Variants in TACC1 observed in about 807,000 individuals in gnomAD.
The protein encoded by TACC1 is transforming acidic coiled-coil-containing protein 1.
In TACC1, 48 loss-of-function variants were observed where a neutral mutation model predicts 84.4. The ratio of observed to expected loss-of-function variants is 0.57; its 90% confidence interval spans 0.45 to 0.72. The LOEUF (loss-of-function observed/expected upper bound fraction) is 0.72, where lower values mean the gene tolerates loss of function less well. Ranked by LOEUF, TACC1 falls within the 30% of genes least tolerant of loss-of-function variation. The probability of loss-of-function intolerance (pLI) is 0.00; values close to 1 mark genes in which losing one functional copy is unlikely to be tolerated. For missense variants in TACC1, 920 were observed against 973.0 expected (o/e 0.95, Z 0.72); for synonymous variants, 372 against 376.3 (o/e 0.99, Z 0.13).
intron 3 of TACC1, among the ~76,000 whole-genome samples, chr8:38,778,501 C>G (rs1454629000): frequency 1.3e-5 from 2 of 152,184 alleles, no homozygotes; most frequent in African/African-American, 4.8e-5. Flanking sequence ...TGAACCACTC[C>G]TGAGCCACAG....
intron 2 of TACC1, among the ~76,000 whole-genome samples, chr8:38,790,125 C>G (rs1353533982): frequency 6.6e-6 from 1 of 152,242 alleles, no homozygotes; most frequent in African/African-American, 2.4e-5. Flanking sequence ...CTTGCCTCTT[C>G]TAGCCTCTGC....
At chr8:38,740,787 G>A (rs1806905964) in intron 1 of TACC1, among the ~76,000 whole-genome samples, 1 of 152,212 alleles carries the variant, frequency 6.6e-6, no homozygotes, top group Admixed American at 6.5e-5. Flanking sequence ...CAGGCACAGA[G>A]TCATTTTAGT....
intron 2 of TACC1, among the ~76,000 whole-genome samples, chr8:38,802,786 A>T (rs1821705693): frequency 6.6e-6 from 1 of 152,090 alleles, no homozygotes; most frequent in South Asian, 2.1e-4. Flanking sequence ...AGAAAGAGAA[A>T]AGGAGGCGCT....
chr8:38,787,114 C>A, upstream of TACC1: 1 of 983,750 alleles, frequency 1.0e-6, no homozygotes, highest in Non-Finnish European at 1.2e-6. Flanking sequence ...GCGCGGCCGT[C>A]TTCAAAGCCC....
chr8:38,755,875 C>G (rs1277635822), intron 3 of TACC1, among the ~76,000 whole-genome samples: 1 of 151,656 alleles, frequency 6.6e-6, no homozygotes, highest in Non-Finnish European at 1.5e-5. Flanking sequence ...AGTGCAGTGG[C>G]GCGATCTCGG....
At chr8:38,754,930 A>C (rs1006543670) in intron 3 of TACC1, among the ~76,000 whole-genome samples, 2 of 152,250 alleles carry the variant, frequency 1.3e-5, no homozygotes, top group Non-Finnish European at 1.5e-5. Flanking sequence ...CGGGAGGCCG[A>C]GGCAGGCGGA....
intron 1 of TACC1, among the ~76,000 whole-genome samples, chr8:38,740,844 C>T (rs967350372): frequency 9.9e-5 from 15 of 152,152 alleles, no homozygotes; most frequent in Non-Finnish European, 7.3e-5. Context: ...TTTCAGACCT[C>T]TTGGAGAAAG....
chr8:38,757,110 G>C (rs1810202769), intron 3 of TACC1: 7 of 424,380 alleles, frequency 1.6e-5, no homozygotes, highest in African/African-American at 2.2e-5. Context: ...ATCTCCAGGC[G>C]GCAGCACCCG....
At chr8:38,753,579 T>C (rs2151755936) in intron 3 of TACC1, among the ~76,000 whole-genome samples, 1 of 152,326 alleles carries the variant, frequency 6.6e-6, no homozygotes, top group South Asian at 2.1e-4. Context: ...CATTATATGT[T>C]GTGGGGTAAG....
intron 3 of TACC1, among the ~76,000 whole-genome samples, chr8:38,781,997 AT>A (rs201828946): frequency 0.039 from 5,556 of 142,798 alleles, 235 homozygotes; most frequent in African/African-American, 0.11. Context: ...ATTTTTTATT[AT>A]TTTTTTTTGC....
chr8:38,769,979 G>A (rs1391515448), intron 3 of TACC1, among the ~76,000 whole-genome samples: 1 of 151,260 alleles, frequency 6.6e-6, no homozygotes, highest in Non-Finnish European at 1.5e-5. Flanking sequence ...GGGTATGGGT[G>A]GGGGTGTATG....
At chr8:38,789,623 G>T (rs1352075047) in intron 2 of TACC1, among the ~76,000 whole-genome samples, 2 of 152,192 alleles carry the variant, frequency 1.3e-5, no homozygotes, top group Non-Finnish European at 1.5e-5. Flanking sequence ...AGTGGGGATA[G>T]GGAAGGCTGA....
chr8:38,774,889 T>C (rs752506869), intron 3 of TACC1, among the ~76,000 whole-genome samples: 2 of 151,464 alleles, frequency 1.3e-5, no homozygotes, highest in African/African-American at 2.4e-5. Context: ...CACATGCATG[T>C]AATCCCAGCT....
chr8:38,745,629 T>G (rs1807940137), intron 3 of TACC1: 1 of 561,676 alleles, frequency 1.8e-6, no homozygotes, highest in African/African-American at 1.9e-5. Context: ...CTGCAGCCTC[T>G]GCCTCCTGGG....
chr8:38,734,166 ATACC>A (rs1786099160), intron 1 of TACC1, among the ~76,000 whole-genome samples: 1 of 151,978 alleles, frequency 6.6e-6, no homozygotes, highest in African/African-American at 2.4e-5. Flanking sequence ...AAGATACCAG[ATACC>A]TTCTTCTTTA....
chr8:38,736,766 A>G (rs1017256894), intron 1 of TACC1, among the ~76,000 whole-genome samples: 5 of 152,188 alleles, frequency 3.3e-5, no homozygotes, highest in African/African-American at 1.2e-4. Context: ...ATTTATGGAT[A>G]CCTTCATGCT....
At chr8:38,805,411 G>C (rs1224176316) in intron 2 of TACC1, 6 of 152,286 alleles carry the variant, frequency 3.9e-5, no homozygotes, top group Non-Finnish European at 7.3e-5. Flanking sequence ...CACAGGAAAT[G>C]ACTCCTTTAA....
intron 3 of TACC1, among the ~76,000 whole-genome samples, chr8:38,756,995 A>G (rs1810176510): frequency 6.6e-6 from 1 of 152,052 alleles, no homozygotes; most frequent in Non-Finnish European, 1.5e-5. Flanking sequence ...CCGCAGGCCT[A>G]GCGCCCTCCA....
intron 3 of TACC1, among the ~76,000 whole-genome samples, chr8:38,771,673 C>T (rs1465209074): frequency 6.6e-6 from 1 of 152,144 alleles, no homozygotes; most frequent in South Asian, 2.1e-4. Flanking sequence ...TCAGGCCCAC[C>T]CCAAGTTTCT....
Sources: allele counts gnomAD v4.1 joint callset (sites outside exome capture counted in the v4.1 genomes callset), GRCh38; gene constraint gnomAD v4.1.1; transcripts MANE v1.5; gene names NCBI Gene and HGNC (gene_info 2026-07-23, HGNC 2026-07-21).